GCSAML: variants seen among roughly 807,000 people sequenced by gnomAD.
GCSAML encodes the protein germinal center-associated signaling and motility-like protein.
GCSAML carries 9 observed loss-of-function variants against 13.0 expected under a neutral mutation model. That is an observed-to-expected ratio of 0.69 (90% CI 0.42 to 1.21). The LOEUF (loss-of-function observed/expected upper bound fraction) is 1.21. GCSAML is among the 50% of genes most tolerant of loss of function. The pLI is 0.00. For missense variants in GCSAML, 143 were observed against 153.4 expected (o/e 0.93, Z 0.36); for synonymous variants, 37 against 52.9 (o/e 0.70, Z 1.31).
intron 2 of GCSAML, chr1:247,531,752 C>T (rs202039549): frequency 5.0e-6 from 8 of 1,613,988 alleles, no homozygotes; most frequent in South Asian, 2.2e-5. Context: ...ATGATGCTCC[C>T]GTAAAACAGA....
intron 2 of GCSAML, among the ~76,000 whole-genome samples, chr1:247,563,328 G>A (rs1050295352): frequency 8.5e-5 from 13 of 152,206 alleles, no homozygotes; most frequent in Admixed American, 1.3e-4. Context: ...TTTTCCATGC[G>A]TGTAATAATA....
intron 1 of GCSAML, among the ~76,000 whole-genome samples, chr1:247,517,000 T>C (rs1290792174): frequency 1.3e-5 from 2 of 152,196 alleles, no homozygotes; most frequent in Non-Finnish European, 2.9e-5. Context: ...AATAACTCTC[T>C]ACAATGATCC....
At chr1:247,536,051 G>A (rs546621609) in intron 2 of GCSAML, 1 of 152,068 alleles carries the variant, frequency 6.6e-6, no homozygotes, top group African/African-American at 2.4e-5. Context: ...TCATTTAAAC[G>A]GATCAGTGCT....
At position 247,526,933 on chromosome 1, in the gene GCSAML, C is replaced by CT; in HGVS notation, c.-262-4dup. ...ATTTAGAAAGGTCTTCTTTCACTTT[C>CT]TTTCAGGATTTACTGCCTCAAGATG... On this transcript the variant is annotated splice_polypyrimidine_tract_variant and splice_region_variant and intron_variant, in intron 1 of 5. Coordinates refer to the GCSAML transcript ENST00000366489. The surrounding 1 kb of genome is among the most constrained non-coding windows in gnomAD (Gnocchi z 4.8). The CT allele has an allele frequency of 2.2e-6, 1 of 456,118 alleles. No individual in the cohort carries two copies. Among genetic ancestry groups the CT allele is most frequent in the Non-Finnish European group, 4.4e-6 (1 of 226,828 alleles). The allele number at this position is 456,118 out of a possible 1,614,324, so 28.3% of individuals were successfully genotyped here. A position where few individuals can be genotyped will look rare whatever the true frequency, so the allele number is the denominator to read the frequency against.
intron 2 of GCSAML, among the ~76,000 whole-genome samples, chr1:247,538,094 T>C (rs1260621429): frequency 6.6e-6 from 1 of 152,250 alleles, no homozygotes; most frequent in East Asian, 1.9e-4. Context: ...TGTACTTCTA[T>C]GATTACTTCT....
intron 1 of GCSAML, among the ~76,000 whole-genome samples, chr1:247,509,817 T>C (rs1665966215): frequency 6.6e-6 from 1 of 152,218 alleles, no homozygotes; most frequent in Non-Finnish European, 1.5e-5. Flanking sequence ...TTGATTTGTG[T>C]ATGTTGAACC....
chr1:247,541,258 A>G (rs1423762941), intron 2 of GCSAML, among the ~76,000 whole-genome samples: 1 of 152,174 alleles, frequency 6.6e-6, no homozygotes, highest in African/African-American at 2.4e-5. Context: ...CATTGCTTAT[A>G]ATTAATGTCT....
At chr1:247,531,736 A>T (rs770566998) in intron 2 of GCSAML, 1 of 1,614,212 alleles carries the variant, frequency 6.2e-7, no homozygotes, top group Admixed American at 1.7e-5. Context: ...CTGGAGATAC[A>T]TGAAGATGAT....
chr1:247,518,239 C>T (rs2103306396), intron 1 of GCSAML, among the ~76,000 whole-genome samples: 1 of 152,358 alleles, frequency 6.6e-6, no homozygotes, highest in South Asian at 2.1e-4. Context: ...GTACCTGGGG[C>T]GGTGCAGTCA....
rs534828180 is a variant in GCSAML at position 247,527,618 on chromosome 1, G to T, written c.-148+564G>T. ...AAATTTTTTTATTTTAGCTTTTAGT[G>T]GACATATAATAATTGAACATATTTC... is the stretch of plus-strand genomic sequence containing the variant. On this transcript the variant is annotated intron_variant, in intron 2 of 5. Coordinates refer to the GCSAML transcript ENST00000366489. The surrounding 1 kb of genome is among the most constrained non-coding windows in gnomAD (Gnocchi z 4.6). 1 of 152,492 alleles carries T rather than the reference G, an allele frequency of 6.6e-6. No individual in the cohort carries two copies. Among genetic ancestry groups the T allele is most frequent in the African/African-American group, 2.4e-5 (1 of 41,526 alleles). 9.4% of individuals were successfully genotyped at this position (152,492 alleles called of 1,614,324 possible). A position where few individuals can be genotyped will look rare whatever the true frequency, so the allele number is the denominator to read the frequency against.
intron 2 of GCSAML, among the ~76,000 whole-genome samples, chr1:247,536,806 A>G (rs1463675558): frequency 3.6e-4 from 55 of 152,172 alleles, no homozygotes. Flanking sequence ...GTAGTGAGGG[A>G]GATAGTCTGA....
At chr1:247,549,012 T>C (rs762433065), upstream of GCSAML, 53 of 1,532,148 alleles carry the variant, frequency 3.5e-5, no homozygotes, top group Non-Finnish European at 4.4e-5. Flanking sequence ...GCCTCCCCTT[T>C]CGAGCTCTTC....
rs201259305 is a variant in GCSAML at position 247,532,009 on chromosome 1, G to T, written c.-148+4955G>T. ...GTCGATGCAATTGTTCCCACACAGC[G>T]GTAGGAGCATGGTGAGCGTGGAGCC... On this transcript the variant is annotated intron_variant, in intron 2 of 5. Transcript: ENST00000366489. 4 of 1,613,986 alleles carry T rather than the reference G, an allele frequency of 2.5e-6. No homozygotes were observed. In the East Asian group the frequency reaches 8.9e-5, roughly 36 times the overall value.
intron 2 of GCSAML, chr1:247,530,516 A>ACC (rs753278779): frequency 6.8e-5 from 4 of 58,568 alleles, no homozygotes; most frequent in African/African-American, 1.2e-4. Context: ...ACACCATGCC[A>ACC]TCCCCCCCCC....
chr1:247,559,342 T>C (rs1427638891), intron 2 of GCSAML, among the ~76,000 whole-genome samples: 3 of 152,238 alleles, frequency 2.0e-5, no homozygotes, highest in Non-Finnish European at 4.4e-5. Flanking sequence ...TTTCTTTTTC[T>C]TTCTTTCATA....
chr1:247,541,657 G>T (rs1667415284), intron 2 of GCSAML, among the ~76,000 whole-genome samples: 1 of 152,158 alleles, frequency 6.6e-6, no homozygotes, highest in Non-Finnish European at 1.5e-5. Flanking sequence ...AAACCCTTAG[G>T]TGAGCAGTAA....
At chr1:247,521,346 G>GTCTCCCTCTCCCTCTCCACAGTCTCCC (rs1666412966) in intron 1 of GCSAML, among the ~76,000 whole-genome samples, 1 of 128,658 alleles carries the variant, frequency 7.8e-6, no homozygotes, top group African/African-American at 3.0e-5. Flanking sequence ...CCTCTCCACG[G>GTCTCCCTCTCCCTCTCCACAGTCTCCC]TCTCCCTCTC....
chr1:247,518,312 GGCAGGGTGGAAC>G (rs1666288169), intron 1 of GCSAML: 1 of 152,402 alleles, frequency 6.6e-6, no homozygotes, highest in Non-Finnish European at 1.5e-5. Context: ...CGTGGACGCC[GGCAGGGTGGAAC>G]GCCTGGCTTT....
upstream of GCSAML, among the ~76,000 whole-genome samples, chr1:247,545,512 C>CA (rs1273855913): frequency 6.6e-6 from 1 of 152,152 alleles, no homozygotes; most frequent in Non-Finnish European, 1.5e-5. Flanking sequence ...GATGATTATG[C>CA]AAAGGGGTAC....
Sources: gnomAD v4.1 joint callset for allele counts (sites outside exome capture counted in the v4.1 genomes callset) on GRCh38, gnomAD v4.1.1 for gene constraint, Gnocchi (gnomAD v3.1) non-coding constraint, MANE v1.5 for transcripts, NCBI Gene and HGNC (gene_info 2026-07-23, HGNC 2026-07-21) for gene names.